Variants in LMO7 observed in about 807,000 individuals in gnomAD.
LMO7 encodes the protein LIM domain only protein 7.
LMO7 carries 120 observed loss-of-function variants against 206.5 expected under a neutral mutation model. That is an observed-to-expected ratio of 0.58 (90% CI 0.50 to 0.68). The LOEUF (loss-of-function observed/expected upper bound fraction) is 0.68. Among genes scored for constraint, LMO7 ranks in the 30% least tolerant of loss-of-function variants. The pLI, the probability that LMO7 is intolerant of heterozygous loss-of-function variation, is 0.00. For synonymous variants in LMO7, 706 were observed against 681.5 expected (o/e 1.04, Z -0.56); for missense variants, 1,959 against 1,957.9 (o/e 1.00, Z -0.01).
At chr13:75,673,538 G>A (rs1280931073) in intron 1 of LMO7, among the ~76,000 whole-genome samples, 2 of 152,158 alleles carry the variant, frequency 1.3e-5, no homozygotes, top group African/African-American at 4.8e-5. Flanking sequence ...AGGCAACAAA[G>A]CATGCAGATA....
chr13:75,849,835 T>C (rs1456832992), intron 27 of LMO7, among the ~76,000 whole-genome samples: 1 of 152,226 alleles, frequency 6.6e-6, no homozygotes, highest in Non-Finnish European at 1.5e-5. Context: ...CTTGGGTAAA[T>C]GAATGCAGCT....
At chr13:75,637,621 G>A (rs1009757915) in intron 1 of LMO7, among the ~76,000 whole-genome samples, 1 of 152,216 alleles carries the variant, frequency 6.6e-6, no homozygotes, top group Non-Finnish European at 1.5e-5. Context: ...AGTTATTGAT[G>A]CCACGTGCTG....
chr13:75,740,142 A>C (rs1255888811), intron 3 of LMO7, among the ~76,000 whole-genome samples: 1 of 152,258 alleles, frequency 6.6e-6, no homozygotes, highest in Non-Finnish European at 1.5e-5. Flanking sequence ...GAGTTACAGG[A>C]ATAAGCAGAC....
intron 1 of LMO7, among the ~76,000 whole-genome samples, chr13:75,685,403 A>C (rs1594272195): frequency 6.6e-6 from 1 of 152,170 alleles, no homozygotes; most frequent in East Asian, 1.9e-4. Flanking sequence ...CTAAAGCCTC[A>C]TCCCACGCTT....
intron 15 of LMO7, among the ~76,000 whole-genome samples, chr13:75,829,621 A>G (rs560726279): frequency 3.3e-4 from 50 of 152,328 alleles, no homozygotes; most frequent in Non-Finnish European, 5.3e-4. Context: ...ACAACTAAGT[A>G]GGCTTTCCTT....
intron 3 of LMO7, among the ~76,000 whole-genome samples, chr13:75,739,081 G>C (rs1230725705): frequency 6.6e-6 from 1 of 152,206 alleles, no homozygotes; most frequent in African/African-American, 2.4e-5. Flanking sequence ...AATTGCCAGT[G>C]ACTCCCATGG....
chr13:75,807,393 A>G, intron 9 of LMO7, 87 bp from the exon 10 acceptor site: 2 of 1,397,098 alleles, frequency 1.4e-6, no homozygotes, highest in African/African-American at 1.4e-5. Flanking sequence ...TTGGTCTGCT[A>G]ATCACCTTTG....
chr13:75,813,423 G>C (rs1463700546), intron 11 of LMO7, among the ~76,000 whole-genome samples: 1 of 152,206 alleles, frequency 6.6e-6, no homozygotes, highest in African/African-American at 2.4e-5. Context: ...GGTGAGAAAT[G>C]GGGGCTCGGA....
chr13:75,632,855 C>T (rs1201339393), upstream of LMO7, among the ~76,000 whole-genome samples: 2 of 83,208 alleles, frequency 2.4e-5, no homozygotes, highest in African/African-American at 9.1e-5. Flanking sequence ...TCACTAATTA[C>T]TTAAAAGTTT....
intron 1 of LMO7, among the ~76,000 whole-genome samples, chr13:75,693,557 G>A (rs2041660506): frequency 6.6e-6 from 1 of 152,268 alleles, no homozygotes; most frequent in East Asian, 1.9e-4. Context: ...TCTGTCTTCT[G>A]ACTCCATGCT....
intron 1 of LMO7, among the ~76,000 whole-genome samples, chr13:75,640,583 T>C (rs1429858979): frequency 6.6e-6 from 1 of 152,226 alleles, no homozygotes; most frequent in Non-Finnish European, 1.5e-5. Context: ...TCTCTCTTTT[T>C]GCATTGTGTG....
At chr13:75,850,685 T>C (rs1232028798) in intron 27 of LMO7, among the ~76,000 whole-genome samples, 2 of 152,222 alleles carry the variant, frequency 1.3e-5, no homozygotes, top group Non-Finnish European at 2.9e-5. Flanking sequence ...ATTTGCATGA[T>C]GTTGGCTGGG....
intron 1 of LMO7, among the ~76,000 whole-genome samples, chr13:75,660,883 T>G (rs1045741082): frequency 6.6e-6 from 1 of 152,154 alleles, no homozygotes; most frequent in African/African-American, 2.4e-5. Flanking sequence ...GTCATGAGTT[T>G]CAGGTAGGGG....
chr13:75,722,791 A>G (rs1189122556), intron 2 of LMO7, among the ~76,000 whole-genome samples: 1 of 152,242 alleles, frequency 6.6e-6, no homozygotes, highest in African/African-American at 2.4e-5. Flanking sequence ...ATGAGTGGAT[A>G]AAGAAAATGT....
intron 11 of LMO7, among the ~76,000 whole-genome samples, chr13:75,812,746 A>G (rs1233635912): frequency 6.6e-6 from 1 of 151,166 alleles, no homozygotes; most frequent in Admixed American, 6.6e-5. Flanking sequence ...AATTCTATTC[A>G]ACAGAAAGGC....
At chr13:75,734,288 G>C (rs1196508565) in intron 3 of LMO7, among the ~76,000 whole-genome samples, 1 of 152,192 alleles carries the variant, frequency 6.6e-6, no homozygotes, top group Admixed American at 6.5e-5. Flanking sequence ...GGCGTTGTCT[G>C]TGGAAATAAT....
intron 1 of LMO7, among the ~76,000 whole-genome samples, chr13:75,708,395 G>A (rs564821650): frequency 7.8e-4 from 118 of 152,190 alleles, no homozygotes; most frequent in Non-Finnish European, 1.2e-3. Flanking sequence ...ACTGCTATCC[G>A]GTGTCTGCAG....
chr13:75,652,142 T>C (rs1197016032), intron 1 of LMO7, among the ~76,000 whole-genome samples: 1 of 152,114 alleles, frequency 6.6e-6, no homozygotes, highest in Non-Finnish European at 1.5e-5. Flanking sequence ...TTATAGTTTT[T>C]TTTTTCTTCC....
intron 3 of LMO7, among the ~76,000 whole-genome samples, chr13:75,755,576 G>C (rs930268999): frequency 2.0e-5 from 3 of 152,144 alleles, no homozygotes; most frequent in Non-Finnish European, 4.4e-5. Context: ...ACCAATGTGT[G>C]CTAGACTCCC....
Sources: allele counts gnomAD v4.1 joint callset (sites outside exome capture counted in the v4.1 genomes callset), GRCh38; gene constraint gnomAD v4.1.1; transcripts MANE v1.5; gene names NCBI Gene and HGNC (gene_info 2026-07-23, HGNC 2026-07-21).